The following PRSS23 variants were observed in gnomAD, a reference collection of about 807,000 sequenced individuals.
PRSS23 encodes protease, serine 23.
In PRSS23, 25 loss-of-function variants were observed where a neutral mutation model predicts 34.7. The ratio of observed to expected loss-of-function variants is 0.72; its 90% CI spans 0.53 to 1.01. PRSS23 has a LOEUF of 1.01. Ranked by LOEUF, PRSS23 falls within the 50% of genes least tolerant of loss-of-function variation. The probability of loss-of-function intolerance (pLI) is 0.00; values close to 1 mark genes in which losing one functional copy is unlikely to be tolerated. For missense variants in PRSS23, 445 were observed against 475.6 expected, an observed-to-expected ratio of 0.94 and a Z score of 0.60; for synonymous variants, 176 against 186.6, an observed-to-expected ratio of 0.94 and a Z score of 0.46.
At chr11:86,837,281 C>G (rs1948414362) in intron 2 of PRSS23, 1 of 152,240 alleles carries the variant, frequency 6.6e-6, no homozygotes, top group African/African-American at 2.4e-5. Context: ...CACTGTGTAA[C>G]AGCTGAGACC....
intron 2 of PRSS23, among the ~76,000 whole-genome samples, chr11:86,876,761 T>C (rs1948727353): frequency 6.6e-6 from 1 of 152,134 alleles, no homozygotes; most frequent in African/African-American, 2.4e-5. Context: ...ATTTGATTCA[T>C]TTCAAAGCAA....
intron 2 of PRSS23, chr11:86,911,196 TTATAAA>T (rs1460453981): frequency 1.3e-5 from 2 of 152,234 alleles, no homozygotes; most frequent in East Asian, 3.9e-4. Context: ...AATGATTGAA[TTATAAA>T]TAAAAAAGAG....
chr11:86,851,022 G>A (rs1306481099), intron 2 of PRSS23, among the ~76,000 whole-genome samples: 1 of 152,122 alleles, frequency 6.6e-6, no homozygotes, highest in Admixed American at 6.5e-5. Context: ...ATTCTTTGGC[G>A]TGGCTAGGCA....
chr11:86,833,704 G>T (rs543146440), intron 2 of PRSS23, among the ~76,000 whole-genome samples: 2 of 152,232 alleles, frequency 1.3e-5, no homozygotes, highest in South Asian at 4.1e-4. Context: ...GGTCGGGCGT[G>T]AGCTAAGTTG....
intron 1 of PRSS23, among the ~76,000 whole-genome samples, chr11:86,806,045 A>T (rs1365215799): frequency 2.6e-5 from 4 of 152,198 alleles, no homozygotes; most frequent in Non-Finnish European, 5.9e-5. Context: ...TTAAACATTT[A>T]TGAAAGCACT....
chr11:86,897,556 T>G (rs1284866462), intron 2 of PRSS23, among the ~76,000 whole-genome samples: 1 of 152,234 alleles, frequency 6.6e-6, no homozygotes. Context: ...CACTGCAGCC[T>G]CAAACTACTG....
intron 2 of PRSS23, among the ~76,000 whole-genome samples, chr11:86,824,356 AAAAT>A (rs1158232387): frequency 2.7e-5 from 4 of 149,204 alleles, no homozygotes; most frequent in African/African-American, 7.3e-5. Flanking sequence ...AAAATAAAAT[AAAAT>A]AAAATAAAAT....
intron 2 of PRSS23, among the ~76,000 whole-genome samples, chr11:86,939,426 A>ATATTTTTTTT: frequency 1.0e-3 from 98 of 94,040 alleles, no homozygotes; most frequent in South Asian, 3.2e-3. Flanking sequence ...ATATATATAT[A>ATATTTTTTTT]TTTTTTAACA....
intron 2 of PRSS23, among the ~76,000 whole-genome samples, chr11:86,905,471 G>A (rs567296855): frequency 1.6e-4 from 25 of 152,076 alleles, no homozygotes; most frequent in African/African-American, 5.3e-4. Context: ...GTTATTTCCC[G>A]CCACAAGCAG....
At chr11:86,816,610 C>T (rs2511880) in intron 1 of PRSS23, among the ~76,000 whole-genome samples, 2,367 of 152,252 alleles carry the variant, frequency 0.016, 30 homozygotes, top group Admixed American at 0.038. Context: ...CTAACATAGC[C>T]CCCAGCATGA....
At chr11:86,849,578 C>T (rs920406464) in intron 2 of PRSS23, among the ~76,000 whole-genome samples, 2 of 152,290 alleles carry the variant, frequency 1.3e-5, no homozygotes, top group South Asian at 4.2e-4. Flanking sequence ...CAAAGAATTA[C>T]AGGATATTGT....
intron 2 of PRSS23, among the ~76,000 whole-genome samples, chr11:86,929,364 C>T (rs1007063243): frequency 1.3e-5 from 2 of 150,992 alleles, no homozygotes; most frequent in Non-Finnish European, 2.9e-5. Flanking sequence ...AACTCAAGGC[C>T]GGGTGTAGTG....
chr11:86,864,023 T>C (rs1192972256), intron 2 of PRSS23, among the ~76,000 whole-genome samples: 1 of 152,208 alleles, frequency 6.6e-6, no homozygotes, highest in Non-Finnish European at 1.5e-5. Flanking sequence ...GGTCATTTAT[T>C]TGGAATTGAC....
At chr11:86,908,248 T>C (rs1487716190) in intron 2 of PRSS23, among the ~76,000 whole-genome samples, 1 of 148,680 alleles carries the variant, frequency 6.7e-6, no homozygotes, top group Non-Finnish European at 1.5e-5. Flanking sequence ...CACATGGTAA[T>C]TCTATTTTTA....
chr11:86,919,857 G>A (rs1949036540), intron 2 of PRSS23, among the ~76,000 whole-genome samples: 1 of 152,146 alleles, frequency 6.6e-6, no homozygotes, highest in African/African-American at 2.4e-5. Flanking sequence ...CTGTTCCCCT[G>A]CCTGGCCCAC....
chr11:86,937,664 C>T (rs1949173722), intron 2 of PRSS23: 1 of 152,192 alleles, frequency 6.6e-6, no homozygotes. Context: ...CAGGAAGTTA[C>T]CCTATATGGT....
intron 2 of PRSS23, among the ~76,000 whole-genome samples, chr11:86,874,330 A>C (rs1005585029): frequency 4.6e-5 from 7 of 152,352 alleles, no homozygotes; most frequent in African/African-American, 1.7e-4. Flanking sequence ...CACGCAGTTA[A>C]ATTTGAATTT....
chr11:86,829,724 C>T (rs1948335340), intron 2 of PRSS23, among the ~76,000 whole-genome samples: 1 of 152,210 alleles, frequency 6.6e-6, no homozygotes, highest in African/African-American at 2.4e-5. Context: ...CCCTCAGCTG[C>T]AGGTCTGTTG....
Position 86,809,403 on chromosome 11 carries a change from C to T in PRSS23, c.*608C>T, listed in dbSNP as rs183606759. ...TGACTATACTGATACACATATTAAA[C>T]TATACCTTATAGTAAACCAGTATCC... On this transcript the variant is annotated 3_prime_UTR_variant, in exon 2 of 2. Coordinates refer to ENST00000280258, the MANE Select transcript of PRSS23 (RefSeq NM_007173.6). 11 of 167,194 alleles carry T rather than the reference C, an allele frequency of 6.6e-5. No individual in the cohort carries two copies. The East Asian group carries it at 2.1e-3, about 32-fold the overall frequency. 10.4% of individuals were successfully genotyped at this position (167,194 alleles called of 1,614,324 possible).
Sources: gnomAD v4.1 joint callset for allele counts (sites outside exome capture counted in the v4.1 genomes callset) on GRCh38, gnomAD v4.1.1 for gene constraint, MANE v1.5 for transcripts, NCBI Gene and HGNC (gene_info 2026-07-23, HGNC 2026-07-21) for gene names.